The following PCDHA10 variants were observed in gnomAD, a reference collection of about 807,000 sequenced individuals.
PCDHA10 encodes protocadherin alpha-10.
Under a neutral mutation model 61.2 loss-of-function variants are expected in PCDHA10, and 45 were observed. The observed-to-expected ratio is 0.74, with a 90% CI of 0.58 to 0.94. The LOEUF is 0.94. Ranked by LOEUF, PCDHA10 falls within the 40% of genes least tolerant of loss-of-function variation. The pLI, the probability that PCDHA10 is intolerant of heterozygous loss-of-function variation, is 0.00. For missense variants in PCDHA10, 1,278 were observed against 1,236.2 expected, an observed-to-expected ratio of 1.03 and a Z score of -0.51; for synonymous variants, 602 against 548.8, an observed-to-expected ratio of 1.10 and a Z score of -1.35.
intron 1 of PCDHA10, among the ~76,000 whole-genome samples, chr5:140,886,931 G>A (rs1426144437): frequency 6.6e-6 from 1 of 151,756 alleles, no homozygotes; most frequent in Non-Finnish European, 1.5e-5. Context: ...CTATGTGCCA[G>A]GCATGTTCTA....
intron 1 of PCDHA10, among the ~76,000 whole-genome samples, chr5:140,907,316 A>G (rs2073307783): frequency 6.6e-6 from 1 of 152,194 alleles, no homozygotes; most frequent in African/African-American, 2.4e-5. Flanking sequence ...GAACATGTAA[A>G]GACCAGTGAA....
At chr5:140,900,626 T>C (rs958637463) in intron 1 of PCDHA10, among the ~76,000 whole-genome samples, 6 of 152,230 alleles carry the variant, frequency 3.9e-5, no homozygotes, top group Non-Finnish European at 7.3e-5. Flanking sequence ...TGCTTCCAAA[T>C]CTTGGCTATT....
At chr5:140,881,046 T>C (rs1554171694) in intron 1 of PCDHA10, among the ~76,000 whole-genome samples, 1 of 152,238 alleles carries the variant, frequency 6.6e-6, no homozygotes, top group African/African-American at 2.4e-5. Context: ...TATAGAGTTG[T>C]GCACAGAACA....
chr5:140,856,427 G>A lies in PCDHA10; in HGVS notation c.379G>A (p.Asp127Asn), dbSNP rs782109045. ...HVDVEVKDIN[D>N]NPPRFSVTEQ... ...GGACGTGGAAGTGAAGGACATTAAC[G>A]ACAACCCGCCCAGGTTCTCCGTAAC... Residue 127 changes from aspartate (D) to asparagine (N), a missense_variant, in exon 1 of 4, where the codon GAC becomes AAC. Physicochemically the swap from Asp to Asn is conservative, Grantham distance 23. Coordinates refer to ENST00000307360, the MANE Select transcript of PCDHA10 (RefSeq NM_018901.4). The A allele has an allele frequency of 9.4e-6, 15 of 1,598,250 alleles. 1 individual carries two copies. Among genetic ancestry groups the A allele is most frequent in the Non-Finnish European group, 1.3e-5 (15 of 1,167,914 alleles).
intron 1 of PCDHA10, chr5:140,966,731 G>A: frequency 7.1e-7 from 1 of 1,405,136 alleles, no homozygotes; most frequent in Non-Finnish European, 9.2e-7. Context: ...TGCCGCCTCC[G>A]GCCCTGCCCG....
At chr5:140,889,626 TC>T (rs2062301507) in intron 1 of PCDHA10, among the ~76,000 whole-genome samples, 1 of 152,228 alleles carries the variant, frequency 6.6e-6, no homozygotes, top group African/African-American at 2.4e-5. Flanking sequence ...TCATTTCTCT[TC>T]TTTTCATTTG....
At chr5:140,884,119 C>T (rs782009154) in intron 1 of PCDHA10, 1 of 1,613,310 alleles carries the variant, frequency 6.2e-7, no homozygotes. Context: ...CGGCGGTCGG[C>T]GCGCGCATCC....
At chr5:140,993,521 G>C (rs1554253818) in intron 3 of PCDHA10, among the ~76,000 whole-genome samples, 4 of 151,128 alleles carry the variant, frequency 2.6e-5, no homozygotes, top group Admixed American at 2.0e-4. Flanking sequence ...GGGAGAGAGA[G>C]ACAGAGAGAG....
chr5:140,968,643 A>G (rs2096261293), intron 1 of PCDHA10: 1 of 1,614,198 alleles, frequency 6.2e-7, no homozygotes. Context: ...CATCTAGCCC[A>G]GACTTCTGAC....
intron 1 of PCDHA10, among the ~76,000 whole-genome samples, chr5:140,894,286 A>T (rs2064400911): frequency 6.6e-6 from 1 of 151,788 alleles, no homozygotes; most frequent in African/African-American, 2.4e-5. Flanking sequence ...GTATTTTTGA[A>T]GTTTATTTTC....
Position 141,004,229 on chromosome 5 carries a change from T to G in PCDHA10, c.2537-5398T>G, listed in dbSNP as rs368330742. On this transcript the variant is annotated intron_variant, in intron 3 of 3. Transcript: ENST00000307360. ...AGATTAGGAGGTCAGTCAGTGTTTG[T>G]CAGATCCTTAAGCTTTTGTTTTACT... Among the ~76,000 whole-genome samples, 5 of 152,250 alleles carry G rather than the reference T, an allele frequency of 3.3e-5. No individual in the cohort carries two copies. The East Asian group carries it at 7.7e-4, about 23-fold the overall frequency.
At position 140,966,655 on chromosome 5, in the gene PCDHA10, G is replaced by T. The variant is rs576875582; in HGVS notation, c.2389-12294G>T. The T allele has an allele frequency of 2.6e-5, 31 of 1,195,250 alleles. No homozygotes were observed. In the South Asian group the frequency reaches 4.0e-4, roughly 15 times the overall value. 74.0% of individuals were successfully genotyped at this position (1,195,250 alleles called of 1,614,324 possible). On this transcript the variant is annotated intron_variant, in intron 1 of 3. Coordinates refer to ENST00000307360, the MANE Select transcript of PCDHA10 (RefSeq NM_018901.4). ...AGGCGCTTTCTAGAGCGTGAGCGGT[G>T]GGGGAGCAGGCGCAGGGTGGCACGA...
At chr5:140,863,723 G>A (rs1013591731) in intron 1 of PCDHA10, 3 of 271,432 alleles carry the variant, frequency 1.1e-5, no homozygotes, top group African/African-American at 4.4e-5. Context: ...GGCCGGGTGC[G>A]GTAGCTCATG....
chr5:140,936,303 T>C (rs1223461427), intron 1 of PCDHA10, among the ~76,000 whole-genome samples: 3 of 152,236 alleles, frequency 2.0e-5, no homozygotes, highest in South Asian at 2.1e-4. Flanking sequence ...TGCTATCCAA[T>C]AGAACTTTCT....
At chr5:140,938,209 G>A (rs1210350140) in intron 1 of PCDHA10, among the ~76,000 whole-genome samples, 3 of 152,160 alleles carry the variant, frequency 2.0e-5, no homozygotes, top group Admixed American at 6.5e-5. Flanking sequence ...GCCTCCCAAA[G>A]TGCTGGGATT....
chr5:141,003,715 G>A (rs561348265), intron 3 of PCDHA10, among the ~76,000 whole-genome samples: 21 of 152,240 alleles, frequency 1.4e-4, no homozygotes, highest in African/African-American at 2.2e-4. Flanking sequence ...TGAAGATATC[G>A]GCTAATCCAA....
At chr5:140,968,396 G>A (rs1181874720) in intron 1 of PCDHA10, 1 of 1,613,890 alleles carries the variant, frequency 6.2e-7, no homozygotes, top group Non-Finnish European at 8.5e-7. Flanking sequence ...GAAGTTTCGG[G>A]AGTTCTTTGT....
chr5:140,942,846 A>C (rs1239885134), intron 1 of PCDHA10, among the ~76,000 whole-genome samples: 1 of 152,312 alleles, frequency 6.6e-6, no homozygotes, highest in East Asian at 1.9e-4. Flanking sequence ...AAATTCCAGT[A>C]AGATGATTAT....
chr5:140,900,438 C>T (rs573115268), intron 1 of PCDHA10, among the ~76,000 whole-genome samples: 21 of 152,234 alleles, frequency 1.4e-4, no homozygotes, highest in South Asian at 8.3e-4. Flanking sequence ...CCACCACGGC[C>T]GGCTAATTTT....
Sources: allele counts gnomAD v4.1 joint callset (sites outside exome capture counted in the v4.1 genomes callset), GRCh38; gene constraint gnomAD v4.1.1; transcripts MANE v1.5; gene names NCBI Gene and HGNC (gene_info 2026-07-23, HGNC 2026-07-21).